The following ANKDD1B variants were observed in gnomAD, a reference collection of about 807,000 sequenced individuals.
ANKDD1B encodes ankyrin repeat and death domain containing 1B.
A neutral mutation model predicts 59.7 loss-of-function variants in ANKDD1B; 57 were observed. The ratio of observed to expected loss-of-function variants is 0.95; its 90% CI spans 0.77 to 1.19. The LOEUF (loss-of-function observed/expected upper bound fraction) is 1.19, where lower values mean the gene tolerates loss of function less well. ANKDD1B is among the 50% of genes most tolerant of loss of function. The pLI, the probability that ANKDD1B is intolerant of heterozygous loss-of-function variation, is 0.00. For synonymous variants in ANKDD1B, 216 were observed against 239.5 expected, an observed-to-expected ratio of 0.90 and a Z score of 0.91; for missense variants, 602 against 641.9, an observed-to-expected ratio of 0.94 and a Z score of 0.67.
At chr5:75,620,107 A>G (rs1476594283) in intron 2 of ANKDD1B, among the ~76,000 whole-genome samples, 3 of 152,230 alleles carry the variant, frequency 2.0e-5, no homozygotes, top group Non-Finnish European at 4.4e-5. Flanking sequence ...CCTTCAGTGG[A>G]CTGCCAAATT....
chr5:75,650,532 A>T (rs75107287), intron 7 of ANKDD1B, among the ~76,000 whole-genome samples: 5,955 of 152,264 alleles, frequency 0.039, 347 homozygotes, highest in African/African-American at 0.13. Context: ...TATAAAATAA[A>T]ACATTTTTAT....
chr5:75,666,341 A>C (rs1775305803), intron 11 of ANKDD1B, among the ~76,000 whole-genome samples: 1 of 152,212 alleles, frequency 6.6e-6, no homozygotes, highest in African/African-American at 2.4e-5. Flanking sequence ...AGCAGGATGA[A>C]TGAGGGACCA....
intron 13 of ANKDD1B, among the ~76,000 whole-genome samples, chr5:75,669,984 A>T (rs934793008): frequency 1.3e-5 from 2 of 152,230 alleles, no homozygotes; most frequent in Non-Finnish European, 2.9e-5. Flanking sequence ...AAATACAGGA[A>T]CATCTGCCAT....
chr5:75,649,469 CAAT>C (rs1774766390), intron 7 of ANKDD1B, among the ~76,000 whole-genome samples: 1 of 151,854 alleles, frequency 6.6e-6, no homozygotes, highest in African/African-American at 2.4e-5. Flanking sequence ...ATCGTGGAAC[CAAT>C]AATTTTTTTA....
chr5:75,663,401 A>G lies in ANKDD1B; in HGVS notation c.1103A>G (p.Lys368Arg), dbSNP rs775378137. Residue 368 changes from lysine to arginine, a missense_variant, in exon 11 of 14, where the codon AAG (lysine) becomes AGG (arginine). Around this residue, in one of 3 missense-constraint regions of ANKDD1B, gnomAD observed 280 missense variants for 319.8 expected, o/e 0.88. Transcript: ENST00000601380. ...TTTCTTTTTTAATTTTAGCAAGGAAAGACTGCCCTGGCTGTGGCCTCCAGG... is the reference window on the plus strand; with the variant it reads ...TTTCTTTTTTAATTTTAGCAAGGAAGGACTGCCCTGGCTGTGGCCTCCAGG... ...CDLKAVDKQG[K>R]TALAVASRSN... 6.5e-6 allele frequency: 10 copies of G among 1,536,030 alleles called. No homozygotes were observed. The South Asian group carries it at 1.1e-4, about 16-fold the overall frequency.
At chr5:75,656,833 G>A (rs910305224) in intron 9 of ANKDD1B, among the ~76,000 whole-genome samples, 17 of 152,196 alleles carry the variant, frequency 1.1e-4, no homozygotes, top group African/African-American at 3.9e-4. Flanking sequence ...AAGGCTCTGC[G>A]GTGCCCTTCC....
chr5:75,659,391 T>G lies in ANKDD1B; in HGVS notation c.1095+10T>G, dbSNP rs1281498779. ...GAAGGCTGTTGACAAGGTAAGTGCA[T>G]GGACTTTACTCCATTCAGCTGAGAT... is the stretch of plus-strand genomic sequence containing the variant. On this transcript the variant is annotated intron_variant, in intron 10 of 13. Transcript: ENST00000601380. The G allele has an allele frequency of 6.6e-6, 10 of 1,523,456 alleles. No individual in the cohort carries two copies. The highest frequency in any genetic ancestry group is 7.9e-6 in the Non-Finnish European group (9 of 1,135,352). 94.4% of individuals were successfully genotyped at this position (1,523,456 alleles called of 1,614,324 possible).
Position 75,611,693 on chromosome 5 carries a change from G to C in ANKDD1B, c.59G>C (p.Arg20Pro). 1 of 1,228,780 alleles carries C rather than the reference G, an allele frequency of 8.1e-7. No individual in the cohort carries two copies. The highest frequency in any genetic ancestry group is 4.2e-5 in the Admixed American group (1 of 23,632). The allele number at this position is 1,228,780 out of a possible 1,614,324, so 76.1% of individuals were successfully genotyped here. A position where few individuals can be genotyped will look rare whatever the true frequency, so the allele number is the denominator to read the frequency against. ...QGATAGGLLL[R>P]AAAAAKGLRE... Reference sequence around the variant, plus strand: ...GCCACGGCAGGGGGGCTGCTGCTCCGGGCTGCTGCGGCCGCCAAGGGTCTC... The same window carrying C: ...GCCACGGCAGGGGGGCTGCTGCTCCCGGCTGCTGCGGCCGCCAAGGGTCTC... The change falls in exon 1 of 14, where the codon CGG becomes CCG. Residue 20 changes from arginine (R) to proline (P), a missense_variant. Around this residue, in one of 3 missense-constraint regions of ANKDD1B, gnomAD observed 317 missense variants for 304.6 expected, o/e 1.04. Coordinates refer to ENST00000601380, the MANE Select transcript of ANKDD1B (RefSeq NM_001276713.2).
At chr5:75,639,151 A>G (rs1220878226) in intron 7 of ANKDD1B, among the ~76,000 whole-genome samples, 1 of 152,158 alleles carries the variant, frequency 6.6e-6, no homozygotes, top group African/African-American at 2.4e-5. Context: ...ATTTTCCTGG[A>G]AAAATGAGAA....
intron 8 of ANKDD1B, among the ~76,000 whole-genome samples, chr5:75,653,701 A>G (rs1774888821): frequency 6.6e-6 from 1 of 152,220 alleles, no homozygotes; most frequent in Non-Finnish European, 1.5e-5. Context: ...AGAATTAACA[A>G]AGGTCCTCTG....
intron 3 of ANKDD1B, among the ~76,000 whole-genome samples, chr5:75,621,827 C>T (rs1179770465): frequency 6.6e-6 from 1 of 152,154 alleles, no homozygotes; most frequent in Non-Finnish European, 1.5e-5. Flanking sequence ...TTTTTCTAAA[C>T]ATCTATTTGT....
intron 7 of ANKDD1B, among the ~76,000 whole-genome samples, chr5:75,648,296 G>T (rs1256289250): frequency 1.5e-5 from 2 of 136,516 alleles, no homozygotes; most frequent in Non-Finnish European, 3.2e-5. Flanking sequence ...ATTCATGGGA[G>T]CCATGAAATA....
intron 10 of ANKDD1B, among the ~76,000 whole-genome samples, chr5:75,660,386 C>T (rs896533238): frequency 2.0e-5 from 3 of 152,220 alleles, no homozygotes; most frequent in African/African-American, 4.8e-5. Flanking sequence ...CTTAGCGTAA[C>T]GTCTTCAAGG....
At chr5:75,665,427 A>G (rs570860973) in intron 11 of ANKDD1B, among the ~76,000 whole-genome samples, 3 of 152,224 alleles carry the variant, frequency 2.0e-5, no homozygotes, top group Admixed American at 2.0e-4. Flanking sequence ...TGGATTCATC[A>G]TTGTTTCAGG....
intron 11 of ANKDD1B, among the ~76,000 whole-genome samples, chr5:75,664,085 A>G (rs1250736434): frequency 6.6e-6 from 1 of 152,224 alleles, no homozygotes. Context: ...TCAGGCAAGA[A>G]TGGCACTGCC....
Position 75,659,346 on chromosome 5 carries a change from C to A in ANKDD1B, c.1060C>A (p.Leu354Met), listed in dbSNP as rs1775056416. The A allele has an allele frequency of 6.5e-7, 1 of 1,535,940 alleles. No homozygotes were observed. Among genetic ancestry groups the A allele is most frequent in the South Asian group, 1.2e-5 (1 of 84,070 alleles). The stretch of plus-strand genomic sequence containing the variant: ...AAATGTGGAACTGGTGGAAACCCTG[C>A]TGAAGGCAGGCTGTGACTTGAAGGC... ...RGNVELVETL[L>M]KAGCDLKAVD... Residue 354 changes from leucine to methionine, a missense_variant, in exon 10 of 14, where the codon CTG becomes ATG. Physicochemically the swap from Leu to Met is conservative, Grantham distance 15 (BLOSUM62 2). Around this residue, in one of 3 missense-constraint regions of ANKDD1B, gnomAD observed 280 missense variants for 319.8 expected, o/e 0.88. Transcript: ENST00000601380.
intron 1 of ANKDD1B, among the ~76,000 whole-genome samples, chr5:75,612,768 G>A (rs1054042342): frequency 6.6e-6 from 1 of 152,178 alleles, no homozygotes; most frequent in Non-Finnish European, 1.5e-5. Flanking sequence ...ACAGGGTAAT[G>A]TGGTTGGAGT....
rs1022355752 is a variant in ANKDD1B at position 75,659,306 on chromosome 5, A to G, written c.1020A>G (p.Val340=). Residue 340 remains valine (V), a synonymous_variant, in exon 10 of 14, where the codon GTA becomes GTG. Coordinates refer to ENST00000601380, the MANE Select transcript of ANKDD1B (RefSeq NM_001276713.2). ...LNQKQQTPLH[V]AADRGNVELV... ...AGAAGCAGCAAACCCCTCTGCATGT[A>G]GCTGCTGATCGTGGAAATGTGGAAC... 5.3e-5 allele frequency: 81 copies of G among 1,535,866 alleles called. No homozygotes were observed. Among genetic ancestry groups the G allele is most frequent in the Non-Finnish European group, 7.1e-5 (81 of 1,146,820 alleles).
chr5:75,618,551 A>G (rs1328532084), intron 2 of ANKDD1B, among the ~76,000 whole-genome samples: 1 of 152,228 alleles, frequency 6.6e-6, no homozygotes, highest in Non-Finnish European at 1.5e-5. Context: ...GGTTACTTGT[A>G]GAGTTCCTTA....
Sources: allele counts gnomAD v4.1 joint callset (sites outside exome capture counted in the v4.1 genomes callset), GRCh38; gene constraint gnomAD v4.1.1; regional missense constraint gnomAD v4.1.1; transcripts MANE v1.5; gene names NCBI Gene and HGNC (gene_info 2026-07-23, HGNC 2026-07-21).